MRTFA: variants seen among roughly 807,000 people sequenced by gnomAD.
MRTFA encodes myocardin related transcription factor A, also known as myocardin-related transcription factor A.
Under a neutral mutation model 83.5 loss-of-function variants are expected in MRTFA, and 20 were observed. That is an observed-to-expected ratio of 0.24 (90% CI 0.17 to 0.35). MRTFA has a LOEUF of 0.35. MRTFA is among the 10% of genes least tolerant of loss of function. The probability of loss-of-function intolerance (pLI) is 1.00; values close to 1 mark genes in which losing one functional copy is unlikely to be tolerated. For missense variants in MRTFA, 1,200 were observed against 1,224.7 expected (o/e 0.98, Z 0.30); for synonymous variants, 659 against 541.2 (o/e 1.22, Z -3.02).
intron 3 of MRTFA, among the ~76,000 whole-genome samples, chr22:40,508,125 G>A (rs575058688): frequency 5.3e-5 from 8 of 151,868 alleles, no homozygotes; most frequent in Middle Eastern, 3.4e-3. Flanking sequence ...AATTAGATTC[G>A]TCCCCAATTT....
chr22:40,429,220 C>T, intron 7 of MRTFA: 3 of 587,562 alleles, frequency 5.1e-6, no homozygotes, highest in Non-Finnish European at 9.0e-6. Flanking sequence ...GGCCAGTCTC[C>T]AAGAAGAGAC....
In MRTFA at chr22:40,411,463, G is replaced by A. The variant is rs773170944; in HGVS notation, c.3023C>T (p.Thr1008Ile). 3 of 1,602,210 alleles carry A rather than the reference G, an allele frequency of 1.9e-6. No homozygotes were observed. Among genetic ancestry groups the A allele is most frequent in the South Asian group, 1.1e-5 (1 of 90,662 alleles). Reference sequence around the variant, plus strand: ...GTCTGTGGAGAAGAGGCTGGGGGCTGTGGTGCTGAGGGGGGCTAGGCTCAG... The same window carrying A: ...GTCTGTGGAGAAGAGGCTGGGGGCTATGGTGCTGAGGGGGGCTAGGCTCAG... The change falls in exon 15 of 15, where the codon ACA becomes ATA. Residue 1008 changes from threonine (T) to isoleucine (I), a missense_variant. This residue lies in a region of MRTFA where 1,107 missense variants were observed against 1,041.8 expected (regional missense o/e 1.06). Coordinates refer to ENST00000355630, the MANE Select transcript of MRTFA (RefSeq NM_020831.6).
At position 40,418,377 on chromosome 22, in the gene MRTFA, C is replaced by G. The variant is rs1344845028; in HGVS notation, c.2361G>C (p.Gln787His). 6.2e-7 allele frequency: 1 copy of G among 1,613,336 alleles called. No homozygotes were observed. The highest frequency in any genetic ancestry group is 8.5e-7 in the Non-Finnish European group (1 of 1,179,526). ...GGTTCCTCCCATACCCAGGTACCTG[C>G]TGGGGGCTCCCACTGGACAGGCCAG... Residue 787 changes from glutamine to histidine, a missense_variant, in exon 12 of 15, where the codon CAG (glutamine) becomes CAC (histidine). By Grantham distance (24) the Gln-to-His change is conservative (BLOSUM62 0). This residue lies in a region of MRTFA where 1,107 missense variants were observed against 1,041.8 expected (regional missense o/e 1.06). Transcript: ENST00000355630.
At chr22:40,503,046 G>A (rs2054522871) in intron 3 of MRTFA, among the ~76,000 whole-genome samples, 1 of 152,106 alleles carries the variant, frequency 6.6e-6, no homozygotes, top group South Asian at 2.1e-4. Context: ...AGCTAGTAAA[G>A]CTTCTGAACA....
At chr22:40,539,903 A>ATGT (rs1569319299) in intron 3 of MRTFA, among the ~76,000 whole-genome samples, 1 of 142,002 alleles carries the variant, frequency 7.0e-6, no homozygotes, top group South Asian at 2.3e-4. Flanking sequence ...TTTCACGGTT[A>ATGT]TCTTTTTTTT....
chr22:40,584,950 T>C (rs896656596), intron 2 of MRTFA, among the ~76,000 whole-genome samples: 3 of 151,776 alleles, frequency 2.0e-5, no homozygotes, highest in Non-Finnish European at 4.4e-5. Flanking sequence ...GAGTCTGCGG[T>C]GGTAGGATCG....
chr22:40,418,316 C>G, intron 12 of MRTFA, 58 bp downstream of exon 12: 1 of 1,578,078 alleles, frequency 6.3e-7, no homozygotes, highest in Admixed American at 1.9e-5. Context: ...AGGGCTGTAG[C>G]GAGACGCTCT....
At position 40,587,236 on chromosome 22, in the gene MRTFA, C is replaced by T. The variant is rs556861159; in HGVS notation, c.-22+7438G>A. On this transcript the variant is annotated intron_variant, in intron 2 of 14. Transcript: ENST00000355630. Reference sequence around the variant, plus strand: ...CACCAAGTGCCACACAATTGTCTAACTTCTAGAAAGCACTTTCAGTCCAAA... The same window carrying T: ...CACCAAGTGCCACACAATTGTCTAATTTCTAGAAAGCACTTTCAGTCCAAA... The T allele has an allele frequency of 4.1e-4, 195 of 478,450 alleles. 1 individual carries two copies. The highest frequency in any genetic ancestry group is 2.7e-3 in the South Asian group (180 of 65,502). 29.6% of individuals were successfully genotyped at this position (478,450 alleles called of 1,614,324 possible). A position where few individuals can be genotyped will look rare whatever the true frequency, so the allele number is the denominator to read the frequency against.
chr22:40,552,333 C>G lies in MRTFA; in HGVS notation c.14G>C (p.Ser5Thr), dbSNP rs2055455100. ...GACGGAAGGGGGCAGGCACACCACA[C>G]TGGAGAAATCCACTTTGGCTTTCGT... The change falls in exon 3 of 15, where the codon AGT (serine) becomes ACT (threonine). Residue 5 changes from serine (S) to threonine (T), a missense_variant. Ser to Thr is a moderately conservative substitution (Grantham distance 58, BLOSUM62 1). Transcript: ENST00000355630. 1 of 398,942 alleles carries G rather than the reference C, an allele frequency of 2.5e-6. No individual in the cohort carries two copies. The highest frequency in any genetic ancestry group is 1.3e-4 in the South Asian group (1 of 7,854). The allele number at this position is 398,942 out of a possible 1,614,324, so 24.7% of individuals were successfully genotyped here.
rs1031840942 is a variant in MRTFA, at chr22:40,482,503, T to TCC, written c.242-19219_242-19218dup. Among the ~76,000 whole-genome samples the TCC allele has an allele frequency of 1.4e-4, 21 of 152,204 alleles. 1 individual carries two copies. Among genetic ancestry groups the TCC allele is most frequent in the African/African-American group, 4.3e-4 (18 of 41,492 alleles). ...ATCTATAAAGCAATGTGCAACCAAC[T>TCC]CCATCATGTAAGATCTGGGCATAGC... On this transcript the variant is annotated intron_variant, in intron 3 of 14. Transcript: ENST00000355630.
intron 1 of MRTFA, among the ~76,000 whole-genome samples, chr22:40,597,780 A>C (rs1291313054): frequency 6.6e-6 from 1 of 152,208 alleles, no homozygotes; most frequent in Non-Finnish European, 1.5e-5. Context: ...TCAGTCACCC[A>C]AGGCAACAGG....
intron 3 of MRTFA, among the ~76,000 whole-genome samples, chr22:40,479,489 G>A (rs1027559730): frequency 2.6e-5 from 4 of 151,880 alleles, no homozygotes; most frequent in African/African-American, 9.7e-5. Flanking sequence ...CCTTTCTTCT[G>A]CCTATTAAAC....
chr22:40,435,644 T>C (rs2053153825), intron 4 of MRTFA, 90 bp from the exon 5 acceptor site: 5 of 1,445,040 alleles, frequency 3.5e-6, no homozygotes, highest in Non-Finnish European at 4.9e-6. Context: ...CTTAAATTCA[T>C]GTTACTGGCT....
chr22:40,441,866 G>T (rs1421201150), intron 4 of MRTFA, among the ~76,000 whole-genome samples: 1 of 149,690 alleles, frequency 6.7e-6, no homozygotes. Flanking sequence ...TTTCACACAG[G>T]CATCCAATAT....
chr22:40,555,718 G>C (rs899763253), intron 2 of MRTFA, among the ~76,000 whole-genome samples: 1 of 151,234 alleles, frequency 6.6e-6, no homozygotes, highest in Non-Finnish European at 1.5e-5. Context: ...CTCACTGCAA[G>C]CTCCACCTCC....
chr22:40,528,698 T>C (rs980301223), intron 3 of MRTFA, among the ~76,000 whole-genome samples: 12 of 149,134 alleles, frequency 8.0e-5, no homozygotes, highest in Admixed American at 3.4e-4. Context: ...GATCGTGCTA[T>C]TGCACTCCAG....
chr22:40,451,396 A>G (rs1304075809), intron 4 of MRTFA, among the ~76,000 whole-genome samples: 4 of 152,210 alleles, frequency 2.6e-5, no homozygotes, highest in Admixed American at 2.6e-4. Flanking sequence ...ACTAGCAGTC[A>G]TAAAGGGTTC....
intron 3 of MRTFA, among the ~76,000 whole-genome samples, chr22:40,472,173 T>C (rs1157272292): frequency 6.6e-6 from 1 of 152,254 alleles, no homozygotes; most frequent in African/African-American, 2.4e-5. Context: ...TGAAATCATC[T>C]GGGAAGGTTT....
At chr22:40,514,073 C>A (rs914615056) in intron 3 of MRTFA, among the ~76,000 whole-genome samples, 6 of 151,838 alleles carry the variant, frequency 4.0e-5, no homozygotes, top group African/African-American at 1.5e-4. Flanking sequence ...CTGGCTAATA[C>A]GGCAAAACCC....
Sources: gnomAD v4.1 joint callset for allele counts (sites outside exome capture counted in the v4.1 genomes callset) on GRCh38, gnomAD v4.1.1 for gene constraint, gnomAD v4.1.1 regional missense constraint, MANE v1.5 for transcripts, NCBI Gene and HGNC (gene_info 2026-07-23, HGNC 2026-07-21) for gene names.